Variants in RCC1 observed in about 807,000 individuals in gnomAD.
RCC1 encodes the protein regulator of chromosome condensation.
In RCC1, 11 loss-of-function variants were observed where a neutral mutation model predicts 44.4. That is an observed-to-expected ratio of 0.25 (90% confidence interval 0.16 to 0.41). The LOEUF (loss-of-function observed/expected upper bound fraction) is 0.41. Ranked by LOEUF, RCC1 falls within the 10% of genes least tolerant of loss-of-function variation. The pLI is 1.00. For missense variants in RCC1, 386 were observed against 547.1 expected (o/e 0.71, Z 2.94); for synonymous variants, 213 against 216.5 (o/e 0.98, Z 0.14).
chr1:28,508,757 A>G, intron 2 of RCC1, 73 bp from the exon 3 acceptor site: 1 of 514,428 alleles, frequency 1.9e-6, no homozygotes, highest in Non-Finnish European at 3.8e-6. Flanking sequence ...CATGCAGGAA[A>G]CATATCTAGT....
chr1:28,522,498 G>A (rs1229635235), intron 4 of RCC1, among the ~76,000 whole-genome samples: 1 of 152,048 alleles, frequency 6.6e-6, no homozygotes, highest in Non-Finnish European at 1.5e-5. Flanking sequence ...CTTGCTTCAG[G>A]TTTGAGGTTT....
chr1:28,530,666 C>A (rs1295188827), intron 5 of RCC1: 1 of 1,462,294 alleles, frequency 6.8e-7, no homozygotes, highest in African/African-American at 1.4e-5. Context: ...GGCTCCTCAG[C>A]GGTGGCCACA....
chr1:28,506,426 C>T (rs1479911138), intron 1 of RCC1: 5 of 345,074 alleles, frequency 1.4e-5, no homozygotes, highest in South Asian at 6.6e-5. Context: ...TTCCGGTGAT[C>T]CACCACCCTC....
At chr1:28,508,949 T>C (rs1662277278) in intron 3 of RCC1, 44 bp downstream of exon 3, 1 of 482,626 alleles carries the variant, frequency 2.1e-6, no homozygotes, top group South Asian at 1.5e-5. Flanking sequence ...TGACAATCTT[T>C]GGCAGACTTG....
chr1:28,520,488 G>C (rs1377012091), intron 4 of RCC1, among the ~76,000 whole-genome samples: 1 of 152,160 alleles, frequency 6.6e-6, no homozygotes, highest in Non-Finnish European at 1.5e-5. Flanking sequence ...TCATGAGACT[G>C]GGATTTCATT....
At chr1:28,537,705 G>A in intron 12 of RCC1, 127 bp from the exon 13 acceptor site, 1 of 913,388 alleles carries the variant, frequency 1.1e-6, no homozygotes, top group South Asian at 1.8e-5. Flanking sequence ...AACTCCCAGA[G>A]TCTGGTACCT....
chr1:28,508,256 C>A (rs924432917), intron 2 of RCC1, 96 bp downstream of exon 2: 4 of 372,516 alleles, frequency 1.1e-5, no homozygotes, highest in East Asian at 7.5e-5. Context: ...TCTAGTTGGT[C>A]AGGATTTACC....
chr1:28,530,443 G>A (rs1664056892), intron 5 of RCC1: 2 of 1,328,356 alleles, frequency 1.5e-6, no homozygotes, highest in Non-Finnish European at 2.1e-6. Flanking sequence ...CCCGGAGGGG[G>A]ACAGGGAGGA....
chr1:28,525,230 A>G (rs1044501397), intron 4 of RCC1, among the ~76,000 whole-genome samples: 2 of 152,170 alleles, frequency 1.3e-5, no homozygotes, highest in Non-Finnish European at 2.9e-5. Context: ...TATAGATAAC[A>G]TAACCGGTTA....
In RCC1 at chr1:28,538,175, T is replaced by A; in HGVS notation, c.*168T>A. The A allele has an allele frequency of 3.7e-6, 2 of 541,980 alleles. No homozygotes were observed. Among genetic ancestry groups the A allele is most frequent in the Non-Finnish European group, 3.1e-6 (1 of 324,288 alleles). 33.6% of individuals were successfully genotyped at this position (541,980 alleles called of 1,614,324 possible). A position where few individuals can be genotyped will look rare whatever the true frequency, so the allele number is the denominator to read the frequency against. On this transcript the variant is annotated 3_prime_UTR_variant, in exon 13 of 13. Transcript: ENST00000683442. Reference sequence around the variant, plus strand: ...ATCCTTTTCCTCTTTTCCTTCCTCCTCTTTGGAATTTTCCTGGGACCTACA... The same window carrying A: ...ATCCTTTTCCTCTTTTCCTTCCTCCACTTTGGAATTTTCCTGGGACCTACA...
chr1:28,522,380 A>C (rs1663340021), intron 4 of RCC1, among the ~76,000 whole-genome samples: 1 of 151,732 alleles, frequency 6.6e-6, no homozygotes, highest in Non-Finnish European at 1.5e-5. Flanking sequence ...AATGAAGCTA[A>C]AGGTTCTGTC....
intron 3 of RCC1, among the ~76,000 whole-genome samples, chr1:28,513,445 C>T (rs1195592748): frequency 6.6e-6 from 1 of 151,942 alleles, no homozygotes; most frequent in Non-Finnish European, 1.5e-5. Flanking sequence ...TCCGCCTGCC[C>T]TGACCTCCCA....
Position 28,532,349 on chromosome 1 carries a change from G to A in RCC1, c.440G>A (p.Arg147Gln), listed in dbSNP as rs751946002. The change falls in exon 7 of 13, where the codon CGG (arginine) becomes CAG (glutamine). Residue 147 changes from arginine (R) to glutamine (Q), a missense_variant and splice_region_variant. Coordinates refer to ENST00000683442, the MANE Select transcript of RCC1 (RefSeq NM_001381865.2). ...CGTGTCTTCCTCTGGGGCTCCTTCC[G>A]GGTAAGGCTGGGTCTGAAAGTCTGC... ...DGRVFLWGSF[R>Q]DNNGVIGLLE... 1.2e-6 allele frequency: 2 copies of A among 1,613,794 alleles called. No homozygotes were observed. The highest frequency in any genetic ancestry group is 2.2e-5 in the East Asian group (1 of 44,884).
intron 3 of RCC1, among the ~76,000 whole-genome samples, chr1:28,514,459 AC>A (rs1192413764): frequency 1.6e-4 from 24 of 147,718 alleles, no homozygotes; most frequent in South Asian, 2.1e-4. Flanking sequence ...CAAAAAAAAA[AC>A]AAAAAAAAAA....
In RCC1 at chr1:28,508,854, A is replaced by G; in HGVS notation, c.-204A>G. ...GGAGAGAAGACGATCTGCACTTCGCATTTTGGCATTGACATTTAATTTTAG... is the reference window on the plus strand; with the variant it reads ...GGAGAGAAGACGATCTGCACTTCGCGTTTTGGCATTGACATTTAATTTTAG... On this transcript the variant is annotated 5_prime_UTR_variant, in exon 3 of 13. Coordinates refer to ENST00000683442, the MANE Select transcript of RCC1 (RefSeq NM_001381865.2). 1.9e-6 allele frequency: 1 copy of G among 517,464 alleles called. No individual in the cohort carries two copies. Among genetic ancestry groups the G allele is most frequent in the South Asian group, 1.4e-5 (1 of 71,244 alleles). 32.1% of individuals were successfully genotyped at this position (517,464 alleles called of 1,614,324 possible). A position where few individuals can be genotyped will look rare whatever the true frequency, so the allele number is the denominator to read the frequency against.
At chr1:28,513,366 T>C (rs1662679620) in intron 3 of RCC1, among the ~76,000 whole-genome samples, 1 of 151,908 alleles carries the variant, frequency 6.6e-6, no homozygotes, top group African/African-American at 2.4e-5. Context: ...GCTAATTTTT[T>C]TGTATTTTAG....
intron 4 of RCC1, chr1:28,518,767 C>G (rs1663086991): frequency 6.6e-6 from 1 of 152,040 alleles, no homozygotes; most frequent in Non-Finnish European, 1.5e-5. Context: ...GTCGTAGGAG[C>G]TCGAGGGTCT....
intron 7 of RCC1, among the ~76,000 whole-genome samples, chr1:28,533,573 C>G (rs1664320007): frequency 6.6e-6 from 1 of 150,516 alleles, no homozygotes; most frequent in Admixed American, 6.7e-5. Context: ...GAGTTCGAGA[C>G]CGGCCTGACC....
chr1:28,535,898 T>C lies in RCC1; in HGVS notation c.689T>C (p.Met230Thr). 3 of 1,614,024 alleles carry C rather than the reference T, an allele frequency of 1.9e-6. No individual in the cohort carries two copies. The highest frequency in any genetic ancestry group is 2.5e-6 in the Non-Finnish European group (3 of 1,179,908). Residue 230 changes from methionine (M) to threonine (T), a missense_variant, in exon 10 of 13, where the codon ATG becomes ACG. Physicochemically the swap from Met to Thr is moderately conservative, Grantham distance 81. Coordinates refer to ENST00000683442, the MANE Select transcript of RCC1 (RefSeq NM_001381865.2). Reference protein sequence around the residue: ...LERLLVPKCVMLKSRGSRGHV... With the variant: ...LERLLVPKCVTLKSRGSRGHV... ...CGACTCCTGGTCCCCAAGTGTGTGA[T>C]GCTGAAATCCAGGGGAAGCCGGGGC...
Sources: allele counts gnomAD v4.1 joint callset (sites outside exome capture counted in the v4.1 genomes callset), GRCh38; gene constraint gnomAD v4.1.1; transcripts MANE v1.5; gene names NCBI Gene and HGNC (gene_info 2026-07-23, HGNC 2026-07-21).